AP1B1: variants seen among roughly 807,000 people sequenced by gnomAD.
AP1B1 encodes AP-1 complex subunit beta-1.
In AP1B1, 36 loss-of-function variants were observed where a neutral mutation model predicts 104.3. That is an observed-to-expected ratio of 0.35 (90% CI 0.26 to 0.46). The LOEUF (loss-of-function observed/expected upper bound fraction) is 0.46. AP1B1 is among the 20% of genes least tolerant of loss of function. The probability of loss-of-function intolerance (pLI) is 1.00; values close to 1 mark genes in which losing one functional copy is unlikely to be tolerated. For missense variants in AP1B1, 901 were observed against 1,247.9 expected (o/e 0.72, Z 4.19); for synonymous variants, 504 against 517.5 (o/e 0.97, Z 0.35).
intron 19 of AP1B1, 47 bp from the exon 20 acceptor site, chr22:29,330,756 C>A: frequency 6.6e-7 from 1 of 1,521,496 alleles, no homozygotes; most frequent in Non-Finnish European, 9.0e-7. Flanking sequence ...CCTCATAAAC[C>A]TGTGGGCCCT....
At chr22:29,331,202 G>C (rs1254034885) in intron 19 of AP1B1, among the ~76,000 whole-genome samples, 17 of 152,160 alleles carry the variant, frequency 1.1e-4, no homozygotes, top group Admixed American at 6.5e-5. Flanking sequence ...TGAGGAGCGA[G>C]CAGGAGAGCC....
chr22:29,366,670 G>A (rs2062142373), intron 2 of AP1B1, among the ~76,000 whole-genome samples: 1 of 151,866 alleles, frequency 6.6e-6, no homozygotes, highest in Non-Finnish European at 1.5e-5. Context: ...ATAGCGGCGG[G>A]CGCATGTAAT....
chr22:29,387,892 C>T (rs1244402193), intron 1 of AP1B1, among the ~76,000 whole-genome samples: 2 of 152,246 alleles, frequency 1.3e-5, no homozygotes, highest in African/African-American at 4.8e-5. Context: ...TAGCAAGCAT[C>T]TCCCTCGTTA....
chr22:29,330,706 C>CGGTCT lies in AP1B1; in HGVS notation c.2525-2_2527dup (p.Arg843GlnfsTer60). The CGGTCT allele has an allele frequency of 6.2e-7, 1 of 1,611,872 alleles. No homozygotes were observed. Among genetic ancestry groups the CGGTCT allele is most frequent in the Non-Finnish European group, 8.5e-7 (1 of 1,179,612 alleles). On this transcript the variant is annotated frameshift_variant, in exon 20 of 23. Coordinates refer to ENST00000357586, the MANE Select transcript of AP1B1 (RefSeq NM_001127.4). LOFTEE classifies it high-confidence loss of function. ...CTTCCATGTGGCCAGGAACATCTGCCGGTCTGCGGGGTGAGCAGGGTGGGG... is the reference window on the plus strand; with the variant it reads ...CTTCCATGTGGCCAGGAACATCTGCCGGTCTGGTCTGCGGGGTGAGCAGGGTGGGG...
intron 1 of AP1B1, among the ~76,000 whole-genome samples, chr22:29,383,167 C>A (rs2062463959): frequency 6.6e-6 from 1 of 152,286 alleles, no homozygotes; most frequent in East Asian, 1.9e-4. Flanking sequence ...GAATACTGGA[C>A]TTAGAAAGTC....
chr22:29,338,348 G>A (rs1181326566), intron 16 of AP1B1, among the ~76,000 whole-genome samples: 1 of 152,148 alleles, frequency 6.6e-6, no homozygotes, highest in Non-Finnish European at 1.5e-5. Flanking sequence ...AACCATTCAC[G>A]GGGTCCAGGC....
In AP1B1 at chr22:29,354,771, C is replaced by G; in HGVS notation, c.817G>C (p.Asp273His). 1 of 1,614,070 alleles carries G rather than the reference C, an allele frequency of 6.2e-7. No homozygotes were observed. The highest frequency in any genetic ancestry group is 8.5e-7 in the Non-Finnish European group (1 of 1,180,034). The change falls in exon 7 of 23, where the codon GAC (aspartate) becomes CAC (histidine). Residue 273 changes from aspartate (D) to histidine (H), a missense_variant. Physicochemically the swap from Asp to His is moderately conservative, Grantham distance 81 (BLOSUM62 -1). Transcript: ENST00000357586. ...AGCAGTGTGCCGTAGTAGTCCAAGT[C>G]CTTAGACAACATCTCCATGAACTTC... ...LMKFMEMLSK[D>H]LDYYGTLLKK...
chr22:29,346,212 T>C (rs1234285328), intron 11 of AP1B1, among the ~76,000 whole-genome samples: 3 of 152,292 alleles, frequency 2.0e-5, no homozygotes, highest in Middle Eastern at 3.4e-3. Context: ...TCTGTTTCTG[T>C]TCACACCACC....
intron 21 of AP1B1, chr22:29,329,975 T>C: frequency 2.1e-6 from 3 of 1,414,216 alleles, no homozygotes; most frequent in Non-Finnish European, 2.8e-6. Context: ...GGGAAGCCAT[T>C]CTCTAACAGG....
Position 29,329,701 on chromosome 22 carries a change from G to T in AP1B1, c.2775+11C>A. The T allele has an allele frequency of 1.9e-6, 3 of 1,613,522 alleles. No individual in the cohort carries two copies. Among genetic ancestry groups the T allele is most frequent in the South Asian group, 1.1e-5 (1 of 91,030 alleles). On this transcript the variant is annotated intron_variant, in intron 22 of 22. Transcript: ENST00000357586. The stretch of plus-strand genomic sequence containing the variant: ...GAGGGCGGACGGGGAAAGAGAAAGC[G>T]ATCTGCTAACCTCTAAGTCCTGCAC...
At chr22:29,347,578 T>C (rs2061812468) in intron 11 of AP1B1, among the ~76,000 whole-genome samples, 1 of 152,130 alleles carries the variant, frequency 6.6e-6, no homozygotes, top group Non-Finnish European at 1.5e-5. Context: ...ATTTCTGTGC[T>C]CACCAACAGA....
intron 14 of AP1B1, among the ~76,000 whole-genome samples, chr22:29,340,425 TG>T (rs1175901005): frequency 6.6e-6 from 1 of 152,160 alleles, no homozygotes; most frequent in Non-Finnish European, 1.5e-5. Context: ...AGTGGAATCC[TG>T]TCTGCCTCTC....
rs1234451251 is a variant in AP1B1 at position 29,339,147 on chromosome 22, GAA to G, written c.2020-16_2020-15del. 1.9e-6 allele frequency: 3 copies of G among 1,614,016 alleles called. No homozygotes were observed. Among genetic ancestry groups the G allele is most frequent in the Non-Finnish European group, 2.5e-6 (3 of 1,179,948 alleles). On this transcript the variant is annotated splice_polypyrimidine_tract_variant and intron_variant, in intron 15 of 22. Transcript: ENST00000357586. ...GGTGCCCCCAATCTGGAAAGGGAGGGAAAGAGTCAGAGGTGGGCGTCAAGAGG... is the reference window on the plus strand; with the variant it reads ...GGTGCCCCCAATCTGGAAAGGGAGGGAGAGTCAGAGGTGGGCGTCAAGAGG...
intron 3 of AP1B1, among the ~76,000 whole-genome samples, chr22:29,360,327 A>C (rs2062026098): frequency 6.6e-6 from 1 of 152,176 alleles, no homozygotes; most frequent in South Asian, 2.1e-4. Flanking sequence ...GAAAGACGCA[A>C]CAGAAACTCA....
chr22:29,381,499 A>G (rs2062435937), intron 1 of AP1B1, among the ~76,000 whole-genome samples: 1 of 152,174 alleles, frequency 6.6e-6, no homozygotes, highest in South Asian at 2.1e-4. Flanking sequence ...TTGTAAACCA[A>G]CCTCTGCTAG....
chr22:29,365,097 G>A (rs537590716), intron 2 of AP1B1, among the ~76,000 whole-genome samples: 226 of 152,094 alleles, frequency 1.5e-3, no homozygotes, highest in Non-Finnish European at 2.5e-3. Context: ...ATTTCCCTCC[G>A]TTTTGCAAAT....
At chr22:29,338,376 T>C (rs1020312099) in intron 16 of AP1B1, among the ~76,000 whole-genome samples, 4 of 152,230 alleles carry the variant, frequency 2.6e-5, no homozygotes, top group Admixed American at 2.6e-4. Context: ...ACCCAGACTG[T>C]GGTTGCCACA....
At position 29,377,032 on chromosome 22, in the gene AP1B1, C is replaced by T. The variant is rs1329735827; in HGVS notation, c.-27-9762G>A. 5.3e-5 allele frequency among the ~76,000 whole-genome samples: 8 copies of T among 151,738 alleles called. No homozygotes were observed. In the East Asian group the frequency reaches 1.6e-3, roughly 29 times the overall value. On this transcript the variant is annotated intron_variant, in intron 1 of 22. Transcript: ENST00000357586. The stretch of plus-strand genomic sequence containing the variant: ...CCAACATGGTGAAACCCTGTCTCTA[C>T]TGAAAATACAAAAATTAGCTGGGTG...
At chr22:29,338,127 C>A (rs907119588) in intron 16 of AP1B1, among the ~76,000 whole-genome samples, 13 of 152,198 alleles carry the variant, frequency 8.5e-5, no homozygotes, top group Admixed American at 4.6e-4. Context: ...GGGCTGGAGT[C>A]AGGGATGCTG....
Sources: gnomAD v4.1 joint callset for allele counts (sites outside exome capture counted in the v4.1 genomes callset) on GRCh38, gnomAD v4.1.1 for gene constraint, MANE v1.5 for transcripts, NCBI Gene and HGNC (gene_info 2026-07-23, HGNC 2026-07-21) for gene names.